PIK3C2G: variants seen among roughly 807,000 people sequenced by gnomAD.
PIK3C2G encodes the protein phosphatidylinositol-4-phosphate 3-kinase catalytic subunit type 2 gamma.
A neutral mutation model predicts 181.1 loss-of-function variants in PIK3C2G; 168 were observed. The observed-to-expected ratio is 0.93, with a 90% CI of 0.82 to 1.05. The LOEUF is 1.05. PIK3C2G is among the 50% of genes least tolerant of loss of function. The pLI is 0.00. For synonymous variants in PIK3C2G, 573 were observed against 592.2 expected (o/e 0.97, Z 0.47); for missense variants, 1,869 against 1,732.8 (o/e 1.08, Z -1.40).
At chr12:18,243,314 G>A (rs888469004), upstream of PIK3C2G, among the ~76,000 whole-genome samples, 2 of 150,950 alleles carry the variant, frequency 1.3e-5, no homozygotes, top group Admixed American at 6.6e-5. Flanking sequence ...GCAGGTGTTG[G>A]GTAAAAATTT....
chr12:18,308,772 A>G (rs1950522846), intron 5 of PIK3C2G, among the ~76,000 whole-genome samples: 1 of 151,690 alleles, frequency 6.6e-6, no homozygotes, highest in Non-Finnish European at 1.5e-5. Flanking sequence ...TTAAATATGC[A>G]TTTATTATTT....
At position 18,314,722 on chromosome 12, in the gene PIK3C2G, A is replaced by G. The variant is rs561929895; in HGVS notation, c.1137+658A>G. The G allele has an allele frequency of 2.0e-5, 3 of 152,364 alleles. No homozygotes were observed. The South Asian group carries it at 6.2e-4, about 32-fold the overall frequency. The allele number at this position is 152,364 out of a possible 1,614,324, so 9.4% of individuals were successfully genotyped here. ...AATCTGTTGGTTTCTTTCAAAAATC[A>G]TCTGTGAGACACTTATTAAGGTTAT... On this transcript the variant is annotated intron_variant, in intron 6 of 32. Coordinates refer to ENST00000538779, the MANE Select transcript of PIK3C2G (RefSeq NM_001288772.2).
At chr12:18,423,591 C>T (rs188921097) in intron 17 of PIK3C2G, among the ~76,000 whole-genome samples, 68 of 152,206 alleles carry the variant, frequency 4.5e-4, no homozygotes, top group African/African-American at 1.6e-3. Flanking sequence ...GCATTAATTT[C>T]ATCTCCAAAT....
In PIK3C2G at chr12:18,278,686, T is replaced by C. The variant is rs1162438263; in HGVS notation, c.-78-3318T>C. Among the ~76,000 whole-genome samples, 3 of 152,142 alleles carry C rather than the reference T, an allele frequency of 2.0e-5. No homozygotes were observed. In the East Asian group the frequency reaches 5.8e-4, roughly 29 times the overall value. ...CTCTTAAACTACATGTGTAGTTCTG[T>C]TTCAAAGTCGAAGTGTATGACTTTT... On this transcript the variant is annotated intron_variant, in intron 1 of 32. Coordinates refer to ENST00000538779, the MANE Select transcript of PIK3C2G (RefSeq NM_001288772.2).
chr12:18,274,097 A>T (rs568606134), intron 1 of PIK3C2G, among the ~76,000 whole-genome samples: 2 of 152,334 alleles, frequency 1.3e-5, no homozygotes, highest in East Asian at 3.9e-4. Flanking sequence ...TCAAAACCAC[A>T]ATGAGATACC....
chr12:18,405,272 T>C (rs1944457585), intron 16 of PIK3C2G, among the ~76,000 whole-genome samples: 1 of 151,768 alleles, frequency 6.6e-6, no homozygotes, highest in African/African-American at 2.4e-5. Context: ...AATGTGGGAG[T>C]TGTTGGCTTT....
At chr12:18,552,319 T>G (rs1210020449) in intron 26 of PIK3C2G, among the ~76,000 whole-genome samples, 1 of 152,152 alleles carries the variant, frequency 6.6e-6, no homozygotes, top group Non-Finnish European at 1.5e-5. Flanking sequence ...GTTCAATGAT[T>G]TTATATCTTT....
intron 8 of PIK3C2G, among the ~76,000 whole-genome samples, chr12:18,332,123 G>T (rs1294361170): frequency 2.0e-5 from 3 of 151,944 alleles, no homozygotes; most frequent in African/African-American, 7.3e-5. Flanking sequence ...TTAGATTTTG[G>T]CATAAGAGTA....
chr12:18,547,511 C>G (rs1383963718), intron 26 of PIK3C2G, among the ~76,000 whole-genome samples: 1 of 151,934 alleles, frequency 6.6e-6, no homozygotes, highest in African/African-American at 2.4e-5. Flanking sequence ...AACTGAGATA[C>G]AGAGAATTGT....
At chr12:18,683,713 A>G in the PIK3C2G span, 1 of 1,005,934 alleles carries the variant, frequency 9.9e-7, no homozygotes, top group East Asian at 5.5e-5. Context: ...CTGCAACATA[A>G]AGGTAGTCAG....
chr12:18,506,580 C>T (rs1362513097), intron 24 of PIK3C2G, among the ~76,000 whole-genome samples: 1 of 152,062 alleles, frequency 6.6e-6, no homozygotes, highest in Admixed American at 6.6e-5. Context: ...CACAGAAGGT[C>T]AGAGAAGAAA....
At chr12:18,269,046 G>T (rs1169128287) in intron 1 of PIK3C2G, among the ~76,000 whole-genome samples, 3 of 151,946 alleles carry the variant, frequency 2.0e-5, no homozygotes, top group African/African-American at 7.3e-5. Flanking sequence ...AGGTAGCTGG[G>T]ATTACAGCCG....
chr12:18,680,073 T>C, the PIK3C2G span, among the ~76,000 whole-genome samples: 5 of 151,856 alleles, frequency 3.3e-5, no homozygotes, highest in East Asian at 5.8e-4. Context: ...ATATTTCCAG[T>C]GTGTTATTAC....
chr12:18,574,082 C>A (rs964031747), intron 29 of PIK3C2G, among the ~76,000 whole-genome samples: 5 of 152,148 alleles, frequency 3.3e-5, no homozygotes, highest in Non-Finnish European at 5.9e-5. Flanking sequence ...CTGTTAGGTT[C>A]TCATATCATC....
the PIK3C2G span, among the ~76,000 whole-genome samples, chr12:18,663,396 T>C: frequency 6.6e-6 from 1 of 152,132 alleles, no homozygotes; most frequent in Non-Finnish European, 1.5e-5. Context: ...ATAATAACTA[T>C]TTACATAACA....
At chr12:18,481,848 T>C (rs11044134) in intron 18 of PIK3C2G, among the ~76,000 whole-genome samples, 24,251 of 152,116 alleles carry the variant, frequency 0.16, 2,423 homozygotes, top group South Asian at 0.4. Context: ...TTATTCGGCA[T>C]CTTAGGGCTT....
chr12:18,382,115 T>C (rs1942881818), intron 14 of PIK3C2G, among the ~76,000 whole-genome samples: 1 of 152,218 alleles, frequency 6.6e-6, no homozygotes, highest in African/African-American at 2.4e-5. Flanking sequence ...TACAAGGTCA[T>C]GTTGGAGAAC....
chr12:18,278,567 C>A (rs111253810), intron 1 of PIK3C2G, among the ~76,000 whole-genome samples: 2 of 152,116 alleles, frequency 1.3e-5, no homozygotes, highest in Non-Finnish European at 1.5e-5. Flanking sequence ...TTTGAGGGGA[C>A]ACAGTTTTGT....
chr12:18,261,566 T>TA lies in PIK3C2G; in HGVS notation c.-89dup, dbSNP rs1277158341. ...GAGATCGTGTTTCATTTCAGGAAGA[T>TA]ATATGCGTCAGGTAAGAAACTAAAA... On this transcript the variant is annotated 5_prime_UTR_variant, in exon 1 of 33. It introduces an in-frame stop codon into an upstream open reading frame of the 5' UTR. Coordinates refer to ENST00000538779, the MANE Select transcript of PIK3C2G (RefSeq NM_001288772.2). 6.6e-6 allele frequency: 1 copy of TA among 152,090 alleles called. No homozygotes were observed. The highest frequency in any genetic ancestry group is 1.5e-5 in the Non-Finnish European group (1 of 68,008). The allele number at this position is 152,090 out of a possible 1,614,324, so 9.4% of individuals were successfully genotyped here. A position where few individuals can be genotyped will look rare whatever the true frequency, so the allele number is the denominator to read the frequency against.
Sources: gnomAD v4.1 joint callset for allele counts (sites outside exome capture counted in the v4.1 genomes callset) on GRCh38, gnomAD v4.1.1 for gene constraint, MANE v1.5 for transcripts, NCBI Gene and HGNC (gene_info 2026-07-23, HGNC 2026-07-21) for gene names.